HS6ST2: variants seen among roughly 807,000 people sequenced by gnomAD.
HS6ST2 encodes heparan sulfate 6-O-sulfotransferase 2.
In HS6ST2, 17 loss-of-function variants were observed where a neutral mutation model predicts 33.0. That is an observed-to-expected ratio of 0.52 (90% CI 0.35 to 0.77). The LOEUF is 0.77. Among genes scored for constraint, HS6ST2 ranks in the 30% least tolerant of loss-of-function variants. HS6ST2 has a pLI of 0.01. For synonymous variants in HS6ST2, 248 were observed against 237.1 expected (o/e 1.05, Z -0.42); for missense variants, 519 against 551.7 (o/e 0.94, Z 0.59).
intron 2 of HS6ST2, among the ~76,000 whole-genome samples, chrX:132,794,122 T>G (rs1173829784): frequency 8.9e-6 from 1 of 112,425 alleles, no homozygotes; most frequent in African/African-American, 3.2e-5. Flanking sequence ...GCAAAATAGA[T>G]GCAAAGCTGT....
chrX:132,895,491 A>G (rs11797975), intron 2 of HS6ST2, among the ~76,000 whole-genome samples: 1 of 111,626 alleles, frequency 9.0e-6, no homozygotes, highest in African/African-American at 3.2e-5. Flanking sequence ...TATATAAAAT[A>G]CAATGATTAT....
intron 2 of HS6ST2, among the ~76,000 whole-genome samples, chrX:132,800,799 A>G (rs1379138296): frequency 9.0e-6 from 1 of 111,658 alleles, no homozygotes; most frequent in Non-Finnish European, 1.9e-5. Context: ...GTTGAGGGAG[A>G]AACCTGGTGG....
chrX:132,707,632 A>G (rs1278761568), intron 3 of HS6ST2, among the ~76,000 whole-genome samples: 1 of 112,171 alleles, frequency 8.9e-6, no homozygotes, highest in African/African-American at 3.2e-5. Flanking sequence ...GAAAAAACAG[A>G]GGCACTAGTA....
In HS6ST2 at chrX:132,794,574, G is replaced by GATGATGATTATTATT. The variant is rs916088563; in HGVS notation, c.948-86081_948-86080insAATAATAATCATCAT. ...ACTCCTGGATGATGATGATGATGAT[G>GATGATGATTATTATT]ATTATTATTATTATTATTATTATTA... On this transcript the variant is annotated intron_variant, in intron 2 of 4. Coordinates refer to ENST00000370833, the MANE Select transcript of HS6ST2 (RefSeq NM_001394073.1). Among the ~76,000 whole-genome samples, 246 of 99,059 alleles carry GATGATGATTATTATT rather than the reference G, an allele frequency of 2.5e-3. 3 individuals are homozygous for GATGATGATTATTATT. The East Asian group carries it at 0.026, about 10-fold the overall frequency. The allele number at this position is 99,059 out of a possible 115,157, so 86.0% of individuals were successfully genotyped here.
At chrX:132,869,288 C>T (rs1203358705) in intron 2 of HS6ST2, among the ~76,000 whole-genome samples, 1 of 108,668 alleles carries the variant, frequency 9.2e-6, no homozygotes, top group East Asian at 2.9e-4. Flanking sequence ...GCAGTAATAG[C>T]CTACCAACGA....
At chrX:132,692,956 T>C (rs1449256692) in intron 3 of HS6ST2, among the ~76,000 whole-genome samples, 3 of 111,011 alleles carry the variant, frequency 2.7e-5, no homozygotes, top group African/African-American at 6.6e-5. Context: ...TGAATGAGCC[T>C]GGATGGCATA....
At chrX:132,768,784 A>C (rs780345296) in intron 2 of HS6ST2, among the ~76,000 whole-genome samples, 12 of 112,666 alleles carry the variant, frequency 1.1e-4, no homozygotes, top group Non-Finnish European at 2.2e-4. Context: ...TTACATTAGA[A>C]CATACTGAGT....
intron 2 of HS6ST2, among the ~76,000 whole-genome samples, chrX:132,767,016 T>C (rs752673222): frequency 8.9e-6 from 1 of 111,831 alleles, no homozygotes; most frequent in Non-Finnish European, 1.9e-5. Flanking sequence ...TTATCTGACC[T>C]CAACGACCTG....
intron 3 of HS6ST2, among the ~76,000 whole-genome samples, chrX:132,676,135 T>G (rs761666027): frequency 1.2e-4 from 14 of 112,474 alleles, no homozygotes; most frequent in Non-Finnish European, 2.3e-4. Flanking sequence ...GGTCTCAGTT[T>G]CCTATTCTGC....
At chrX:132,788,355 G>A (rs892686453) in intron 2 of HS6ST2, among the ~76,000 whole-genome samples, 2 of 111,448 alleles carry the variant, frequency 1.8e-5, no homozygotes, top group Admixed American at 1.9e-4. Context: ...TTACTTGCGG[G>A]CACCATAAAC....
intron 2 of HS6ST2, among the ~76,000 whole-genome samples, chrX:132,822,611 C>T: frequency 8.9e-6 from 1 of 112,081 alleles, no homozygotes; most frequent in Non-Finnish European, 1.9e-5. Flanking sequence ...ATTAACTAAG[C>T]TATAAAATCC....
At chrX:132,849,700 ACCT>A (rs1333011091) in intron 2 of HS6ST2, among the ~76,000 whole-genome samples, 1 of 111,643 alleles carries the variant, frequency 9.0e-6, no homozygotes, top group Non-Finnish European at 1.9e-5. Flanking sequence ...TCTTTTACGA[ACCT>A]CCTATCAACC....
At chrX:132,715,579 A>G (rs2064266364) in intron 2 of HS6ST2, among the ~76,000 whole-genome samples, 1 of 112,424 alleles carries the variant, frequency 8.9e-6, no homozygotes, top group African/African-American at 3.2e-5. Context: ...CTTGCCACAG[A>G]TCACAGAGCA....
chrX:132,839,086 A>T (rs2065677137), intron 2 of HS6ST2, among the ~76,000 whole-genome samples: 1 of 106,057 alleles, frequency 9.4e-6, no homozygotes, highest in Non-Finnish European at 1.9e-5. Context: ...CTCAAAAAAA[A>T]AAAAAAATAG....
intron 3 of HS6ST2, among the ~76,000 whole-genome samples, chrX:132,685,454 G>A (rs1048794298): frequency 2.7e-5 from 3 of 111,767 alleles, no homozygotes; most frequent in South Asian, 3.8e-4. Context: ...CAGTGTAGGC[G>A]GTGTGACAAA....
chrX:132,730,994 T>C (rs990582245), intron 2 of HS6ST2, among the ~76,000 whole-genome samples: 13 of 111,924 alleles, frequency 1.2e-4, no homozygotes, highest in Non-Finnish European at 2.3e-4. Context: ...TGTGTACATA[T>C]ATACACACTC....
intron 2 of HS6ST2, among the ~76,000 whole-genome samples, chrX:132,921,252 C>T (rs1315278979): frequency 8.9e-6 from 1 of 111,912 alleles, no homozygotes; most frequent in African/African-American, 3.3e-5. Flanking sequence ...ACAGCATCAG[C>T]CTCACCTGGG....
At chrX:132,661,367 T>G (rs2063771503) in intron 4 of HS6ST2, among the ~76,000 whole-genome samples, 2 of 110,308 alleles carry the variant, frequency 1.8e-5, no homozygotes, top group African/African-American at 3.3e-5. Flanking sequence ...AATACAAGAT[T>G]AATCTACAAA....
At chrX:132,811,879 T>G (rs2065349752) in intron 2 of HS6ST2, among the ~76,000 whole-genome samples, 1 of 107,447 alleles carries the variant, frequency 9.3e-6, no homozygotes, top group Admixed American at 1.0e-4. Context: ...TACAATTAAA[T>G]TATTATTGAC....
Sources: gnomAD v4.1 joint callset for allele counts (sites outside exome capture counted in the v4.1 genomes callset) on GRCh38, gnomAD v4.1.1 for gene constraint, MANE v1.5 for transcripts, NCBI Gene and HGNC (gene_info 2026-07-23, HGNC 2026-07-21) for gene names.